Variants in HUWE1 observed in about 807,000 individuals in gnomAD.
HUWE1 encodes the protein E3 ubiquitin-protein ligase HUWE1.
Under a neutral mutation model 299.4 loss-of-function variants are expected in HUWE1, and 18 were observed. The observed-to-expected ratio is 0.06, with a 90% confidence interval of 0.04 to 0.09. HUWE1 has a LOEUF of 0.09. Among genes scored for constraint, HUWE1 ranks in the 10% least tolerant of loss-of-function variants. The pLI is 1.00. For missense variants in HUWE1, 1,832 were observed against 3,462.3 expected (o/e 0.53, Z 11.82); for synonymous variants, 1,317 against 1,286.1 (o/e 1.02, Z -0.51).
intron 41 of HUWE1, 27 bp downstream of exon 41, chrX:53,584,153 ATTAGCT>A (rs782621139): frequency 8.4e-7 from 1 of 1,184,152 alleles, no homozygotes; most frequent in East Asian, 3.0e-5. Flanking sequence ...ACAAAGGCAC[ATTAGCT>A]TTAGGTAAAA....
chrX:53,656,841 T>C (rs1323266144), intron 3 of HUWE1, among the ~76,000 whole-genome samples: 3 of 110,592 alleles, frequency 2.7e-5, no homozygotes, highest in Non-Finnish European at 3.8e-5. Context: ...CTGATATATA[T>C]ACAAGTATCA....
chrX:53,580,673 G>A (rs1272762488), intron 43 of HUWE1, among the ~76,000 whole-genome samples, 158 bp downstream of exon 43: 2 of 112,302 alleles, frequency 1.8e-5, no homozygotes, highest in African/African-American at 6.5e-5. Context: ...AGCTACTGAA[G>A]TACCTAATAA....
rs781849752 is a variant in HUWE1 at position 53,625,877 on chromosome X, GGGGCCA to G, written c.1490-625_1490-620del. On this transcript the variant is annotated intron_variant, in intron 17 of 83. Coordinates refer to ENST00000262854, the MANE Select transcript of HUWE1 (RefSeq NM_031407.7). ...CAGGGCCGGGGCCGGGGCCGGGGCC[GGGGCCA>G]GGGCCGGTGCCGGGGCCGGGACTGG... is the stretch of plus-strand genomic sequence containing the variant. 573 of 290,118 alleles carry G rather than the reference GGGGCCA, an allele frequency of 2.0e-3. 25 individuals are homozygous for G. Among genetic ancestry groups the G allele is most frequent in the Non-Finnish European group, 2.0e-3 (295 of 145,508 alleles). 23.9% of individuals were successfully genotyped at this position (290,118 alleles called of 1,213,427 possible). A position where few individuals can be genotyped will look rare whatever the true frequency, so the allele number is the denominator to read the frequency against.
chrX:53,596,864 C>G (rs1556985572), intron 29 of HUWE1, among the ~76,000 whole-genome samples: 1 of 112,351 alleles, frequency 8.9e-6, no homozygotes, highest in Non-Finnish European at 1.9e-5. Flanking sequence ...GATTGCCCAC[C>G]ACTTCAGGAA....
intron 81 of HUWE1, among the ~76,000 whole-genome samples, chrX:53,535,144 A>G (rs1337469114): frequency 9.0e-6 from 1 of 111,155 alleles, no homozygotes; most frequent in African/African-American, 3.3e-5. Context: ...CATGTTGGCC[A>G]GGCTGGTCTC....
At chrX:53,535,920 G>GA (rs1274903957) in intron 80 of HUWE1, 1 of 329,025 alleles carries the variant, frequency 3.0e-6, no homozygotes, top group Admixed American at 5.6e-5. Flanking sequence ...TTATGTACTG[G>GA]AGTTTTTTTT....
intron 7 of HUWE1, among the ~76,000 whole-genome samples, chrX:53,641,617 T>A (rs782219992): frequency 3.0e-4 from 34 of 111,955 alleles, no homozygotes; most frequent in African/African-American, 1.1e-3. Context: ...CAGATTATAG[T>A]TGTAGTTTAT....
In HUWE1 at chrX:53,575,751, T is replaced by C. The variant is rs201408811; in HGVS notation, c.5922A>G (p.Gln1974=). ...TGTCTTGCAGGAGCTGGCCAACCTC[T>C]TGGGTCATAACCCCAGGTTTAGGAT... ...KSDPKPGVMT[Q]EVGQLLQDMG... is the part of the protein sequence containing the mutation. The change falls in exon 45 of 84, where the codon CAA becomes CAG. Residue 1974 remains glutamine, a synonymous_variant. Coordinates refer to ENST00000262854, the MANE Select transcript of HUWE1 (RefSeq NM_031407.7). The C allele has an allele frequency of 4.1e-6, 5 of 1,210,317 alleles. No individual in the cohort carries two copies. The highest frequency in any genetic ancestry group is 5.6e-6 in the Non-Finnish European group (5 of 895,024).
Position 53,620,376 on chromosome X carries a change from T to C in HUWE1, c.1673-2930A>G, listed in dbSNP as rs782207680. ...ACTTAAGTGATCCTCCCACCTCAGCTTCCTGAGTAGCGCACCAGCATGCCC... is the reference window on the plus strand; with the variant it reads ...ACTTAAGTGATCCTCCCACCTCAGCCTCCTGAGTAGCGCACCAGCATGCCC... On this transcript the variant is annotated intron_variant, in intron 19 of 83. Transcript: ENST00000262854. Among the ~76,000 whole-genome samples the C allele has an allele frequency of 4.5e-5, 5 of 110,030 alleles. No individual in the cohort carries two copies. In the South Asian group the frequency reaches 1.6e-3, roughly 35 times the overall value.
intron 2 of HUWE1, among the ~76,000 whole-genome samples, chrX:53,681,277 T>C (rs2070125161): frequency 9.2e-6 from 1 of 108,732 alleles, no homozygotes; most frequent in Non-Finnish European, 1.9e-5. Flanking sequence ...TTACTAAAAA[T>C]ACAAAAATTA....
chrX:53,631,681 G>T, intron 9 of HUWE1, 67 bp from the exon 10 acceptor site: 1 of 788,256 alleles, frequency 1.3e-6, no homozygotes, highest in Non-Finnish European at 1.9e-6. Flanking sequence ...CTTCCATAGA[G>T]CTCCAAAGGG....
chrX:53,616,589 T>C (rs1334928393), intron 21 of HUWE1, among the ~76,000 whole-genome samples: 1 of 111,502 alleles, frequency 9.0e-6, no homozygotes, highest in East Asian at 2.8e-4. Flanking sequence ...GTCTCAAGTA[T>C]ACTGAGTAAA....
At chrX:53,604,568 C>A in intron 26 of HUWE1, 21 bp downstream of exon 26, 1 of 1,207,275 alleles carries the variant, frequency 8.3e-7, no homozygotes, top group South Asian at 1.8e-5. Context: ...TTAATATGTT[C>A]ACCCCTAAGG....
chrX:53,569,490 G>A (rs2062723820), intron 48 of HUWE1, 126 bp downstream of exon 48: 3 of 609,530 alleles, frequency 4.9e-6, no homozygotes, highest in South Asian at 2.4e-5. Flanking sequence ...CTATTTGAGC[G>A]GACCAGAGAG....
In HUWE1 at chrX:53,589,782, T is replaced by A; in HGVS notation, c.4226A>T (p.Lys1409Ile). The change falls in exon 36 of 84, where the codon AAA becomes ATA. Residue 1409 changes from lysine (K) to isoleucine (I), a missense_variant. Transcript: ENST00000262854. The stretch of plus-strand genomic sequence containing the variant: ...TTCCTCCTCCTGCTTTTCCCGAGCT[T>A]TCCGTTCCTCTTCCTCCTTCCGGCA... ...VACRKEEEER[K>I]AREKQEEEEA... The A allele has an allele frequency of 8.3e-7, 1 of 1,210,504 alleles. No individual in the cohort carries two copies. The highest frequency in any genetic ancestry group is 1.1e-6 in the Non-Finnish European group (1 of 894,848).
At chrX:53,541,762 T>C (rs1169157232) in intron 74 of HUWE1, among the ~76,000 whole-genome samples, 1 of 111,880 alleles carries the variant, frequency 8.9e-6, no homozygotes, top group Non-Finnish European at 1.9e-5. Flanking sequence ...GCTACTCAGA[T>C]AGCCAAGGCA....
chrX:53,567,934 G>T (rs1306967725), intron 49 of HUWE1, among the ~76,000 whole-genome samples: 1 of 111,696 alleles, frequency 9.0e-6, no homozygotes, highest in Non-Finnish European at 1.9e-5. Context: ...GATCTAACTA[G>T]AAGTTTACAG....
intron 3 of HUWE1, among the ~76,000 whole-genome samples, chrX:53,659,667 C>A (rs782604625): frequency 9.0e-6 from 1 of 111,481 alleles, no homozygotes; most frequent in Non-Finnish European, 1.9e-5. Context: ...CATGAGTAAA[C>A]CCTAATGTTA....
rs781833179 is a variant in HUWE1, at chrX:53,608,467, T to C, written c.2319+385A>G. 4.5e-5 allele frequency among the ~76,000 whole-genome samples: 5 copies of C among 112,319 alleles called. No homozygotes were observed. The Admixed American group carries it at 4.7e-4, about 11-fold the overall frequency. On this transcript the variant is annotated intron_variant, in intron 24 of 83. Coordinates refer to ENST00000262854, the MANE Select transcript of HUWE1 (RefSeq NM_031407.7). ...ATTTTTGAATATTTGCATTATACAG[T>C]ACAGGCTGAAAATGCTCCAGTGAGC... is the stretch of plus-strand genomic sequence containing the variant.
Sources: allele counts gnomAD v4.1 joint callset (sites outside exome capture counted in the v4.1 genomes callset), GRCh38; gene constraint gnomAD v4.1.1; transcripts MANE v1.5; gene names NCBI Gene and HGNC (gene_info 2026-07-23, HGNC 2026-07-21).